FBLN1: variants seen among roughly 807,000 people sequenced by gnomAD.
The protein encoded by FBLN1 is fibulin-1.
Under a neutral mutation model 89.7 loss-of-function variants are expected in FBLN1, and 34 were observed. That is an observed-to-expected ratio of 0.38 (90% CI 0.29 to 0.50). The LOEUF (loss-of-function observed/expected upper bound fraction) is 0.50. Among genes scored for constraint, FBLN1 ranks in the 20% least tolerant of loss-of-function variants. The probability of loss-of-function intolerance (pLI) is 0.92; values close to 1 mark genes in which losing one functional copy is unlikely to be tolerated. For synonymous variants in FBLN1, 393 were observed against 391.3 expected, an observed-to-expected ratio of 1.00 and a Z score of -0.05; for missense variants, 777 against 988.1, an observed-to-expected ratio of 0.79 and a Z score of 2.86.
chr22:45,548,636 A>C lies in FBLN1; in HGVS notation c.1465A>C (p.Thr489Pro), dbSNP rs779508797. 6.2e-7 allele frequency: 1 copy of C among 1,613,654 alleles called. No individual in the cohort carries two copies. Among genetic ancestry groups the C allele is most frequent in the Non-Finnish European group, 8.5e-7 (1 of 1,179,998 alleles). The stretch of plus-strand genomic sequence containing the variant: ...AGACATCGACGAGTGCGCCCTGCCC[A>C]CCGGGGGCCACATCTGCTCCTACCG... ...CEDIDECALP[T>P]GGHICSYRCI... The change falls in exon 13 of 17, where the codon ACC becomes CCC. Residue 489 changes from threonine to proline, a missense_variant. Physicochemically the swap from Thr to Pro is conservative, Grantham distance 38. Transcript: ENST00000327858.
In FBLN1 at chr22:45,545,228, G is replaced by A. The variant is rs185771824; in HGVS notation, c.1321+1702G>A. Among the ~76,000 whole-genome samples the A allele has an allele frequency of 2.0e-5, 3 of 152,298 alleles. No individual in the cohort carries two copies. The East Asian group carries it at 5.8e-4, about 29-fold the overall frequency. ...CACGAGTTGAGTCTCTCAGGCTTGT[G>A]TTCAAACCTGACTTCTGCCATTTCC... On this transcript the variant is annotated intron_variant, in intron 11 of 16. Transcript: ENST00000327858. The surrounding 1 kb of genome is among the most constrained non-coding windows in gnomAD (Gnocchi z 5.9).
rs746653271 is a variant in FBLN1, at chr22:45,541,364, G to A, written c.1058G>A (p.Arg353His). The A allele has an allele frequency of 3.6e-5, 58 of 1,614,128 alleles. No individual in the cohort carries two copies. The East Asian group carries it at 4.7e-4, about 13-fold the overall frequency. The change falls in exon 9 of 17, where the codon CGC (arginine) becomes CAC (histidine). Residue 353 changes from arginine to histidine, a missense_variant. Coordinates refer to ENST00000327858, the MANE Select transcript of FBLN1 (RefSeq NM_006486.3). Reference sequence around the variant, plus strand: ...TACCATCTCAACGAGGAGGGAACGCGCTGTGTTGGTTGGTATTAAGAAAAC... The same window carrying A: ...TACCATCTCAACGAGGAGGGAACGCACTGTGTTGGTTGGTATTAAGAAAAC... The part of the protein sequence containing the change: ...RGYHLNEEGT[R>H]CVDVDECAPP...
intron 12 of FBLN1, 89 bp from the exon 13 acceptor site, chr22:45,548,524 C>T: frequency 6.4e-7 from 1 of 1,574,090 alleles, no homozygotes; most frequent in East Asian, 2.3e-5. Flanking sequence ...CTCCCGGGCC[C>T]CAGTGCAGCC....
chr22:45,584,768 C>T (rs557757044), intron 16 of FBLN1, among the ~76,000 whole-genome samples: 2 of 152,304 alleles, frequency 1.3e-5, no homozygotes, highest in African/African-American at 4.8e-5. Flanking sequence ...GATGATGGGA[C>T]AGGGCCAGGA....
In FBLN1 at chr22:45,556,063, T is replaced by C. The variant is rs1171261430; in HGVS notation, c.1697+5448T>C. On this transcript the variant is annotated intron_variant, in intron 14 of 16. Coordinates refer to ENST00000327858, the MANE Select transcript of FBLN1 (RefSeq NM_006486.3). The surrounding 1 kb of genome is among the most constrained non-coding windows in gnomAD (Gnocchi z 4.6). Reference sequence around the variant, plus strand: ...GAGGCTGAAGTGTGGTGGTGTGATTTTGTCTCACCGCAACCTCCACGTCCC... The same window carrying C: ...GAGGCTGAAGTGTGGTGGTGTGATTCTGTCTCACCGCAACCTCCACGTCCC... Among the ~76,000 whole-genome samples the C allele has an allele frequency of 6.6e-6, 1 of 152,192 alleles. No homozygotes were observed. Among genetic ancestry groups the C allele is most frequent in the Non-Finnish European group, 1.5e-5 (1 of 68,030 alleles).
chr22:45,587,636 A>G (rs1010271966), intron 16 of FBLN1, among the ~76,000 whole-genome samples: 1 of 151,966 alleles, frequency 6.6e-6, no homozygotes, highest in Non-Finnish European at 1.5e-5. Flanking sequence ...AAGCACCCAG[A>G]TCTACCAACT....
intron 7 of FBLN1, among the ~76,000 whole-genome samples, chr22:45,534,550 A>C (rs187791424): frequency 6.6e-6 from 1 of 152,332 alleles, no homozygotes; most frequent in East Asian, 1.9e-4. Context: ...CAGAAGGACA[A>C]ATCCACTTGT....
intron 1 of FBLN1, among the ~76,000 whole-genome samples, chr22:45,511,303 C>T (rs971624639): frequency 5.9e-5 from 9 of 151,544 alleles, no homozygotes; most frequent in South Asian, 2.1e-4. Context: ...TACAGGCATA[C>T]GTCACCATGC....
Position 45,583,235 on chromosome 22 carries a change from C to A in FBLN1, c.1972+6127C>A, listed in dbSNP as rs913619111. Among the ~76,000 whole-genome samples, 1 of 152,192 alleles carries A rather than the reference C, an allele frequency of 6.6e-6. No individual in the cohort carries two copies. Among genetic ancestry groups the A allele is most frequent in the Admixed American group, 6.5e-5 (1 of 15,284 alleles). On this transcript the variant is annotated intron_variant, in intron 16 of 16. Transcript: ENST00000327858. This position sits in a 1 kb window ranked among gnomAD's most constrained non-coding sequence, Gnocchi z 4.5. The stretch of plus-strand genomic sequence containing the variant: ...TTGTCCCCCAAGCCCCTCAGCCCCC[C>A]AGGCAGCTCTAAGGGCTCAGCTGCT...
chr22:45,519,026 C>T (rs1953346919), intron 2 of FBLN1, among the ~76,000 whole-genome samples: 1 of 140,356 alleles, frequency 7.1e-6, no homozygotes, highest in African/African-American at 2.7e-5. Context: ...GTGTCTCTTT[C>T]ACTGGGCTGG....
Position 45,600,582 on chromosome 22 carries a change from G to T in FBLN1, c.*136G>T. On this transcript the variant is annotated 3_prime_UTR_variant, in exon 17 of 17. Transcript: ENST00000327858. ...GTAGCATTAGGCCAACATGTATTAA[G>T]CTGAGCCAGATGAATAAGTCCATCT... The T allele has an allele frequency of 9.9e-7, 1 of 1,012,614 alleles. No individual in the cohort carries two copies. Among genetic ancestry groups the T allele is most frequent in the Non-Finnish European group, 1.6e-6 (1 of 639,180 alleles). 62.7% of individuals were successfully genotyped at this position (1,012,614 alleles called of 1,614,324 possible). A position where few individuals can be genotyped will look rare whatever the true frequency, so the allele number is the denominator to read the frequency against.
rs546833099 is a variant in FBLN1, at chr22:45,563,419, C to T, written c.1698-11092C>T. Reference sequence around the variant, plus strand: ...TTGGGAGTCTGTGCCGCTTGTTACCCGGGGGTGAGCTGGGCACTGGCCACC... The same window carrying T: ...TTGGGAGTCTGTGCCGCTTGTTACCTGGGGGTGAGCTGGGCACTGGCCACC... On this transcript the variant is annotated intron_variant, in intron 14 of 16. Coordinates refer to ENST00000327858, the MANE Select transcript of FBLN1 (RefSeq NM_006486.3). This position sits in a 1 kb window ranked among gnomAD's most constrained non-coding sequence, Gnocchi z 5.7. 99 of 1,492,718 alleles carry T rather than the reference C, an allele frequency of 6.6e-5. No individual in the cohort carries two copies. The highest frequency in any genetic ancestry group is 1.2e-4 in the Admixed American group (6 of 48,946). The allele number at this position is 1,492,718 out of a possible 1,614,324, so 92.5% of individuals were successfully genotyped here.
intron 14 of FBLN1, among the ~76,000 whole-genome samples, chr22:45,568,415 T>TTTCTGTAGGGGAATGCCTC (rs1555959919): frequency 1.8e-5 from 1 of 56,672 alleles, no homozygotes; most frequent in African/African-American, 7.3e-5. Flanking sequence ...GGGAGTGCTC[T>TTTCTGTAGGGGAATGCCTC]TTCTGTAGGG....
chr22:45,541,637 T>C (rs2088557704), intron 9 of FBLN1, among the ~76,000 whole-genome samples: 1 of 152,226 alleles, frequency 6.6e-6, no homozygotes, highest in Non-Finnish European at 1.5e-5. Flanking sequence ...CAGCTCCCCG[T>C]TGGTGACAAA....
chr22:45,534,200 G>T (rs1047137821), intron 7 of FBLN1, among the ~76,000 whole-genome samples: 1 of 136,742 alleles, frequency 7.3e-6, no homozygotes, highest in African/African-American at 2.7e-5. Context: ...CAGAGTAAAC[G>T]ATGGCAGATT....
At chr22:45,558,804 C>T (rs1026345275) in intron 14 of FBLN1, 5 of 152,288 alleles carry the variant, frequency 3.3e-5, no homozygotes, top group African/African-American at 1.2e-4. Context: ...CCCCAAACCA[C>T]TGGACCCCTA....
intron 9 of FBLN1, among the ~76,000 whole-genome samples, chr22:45,541,787 A>G (rs1465646535): frequency 2.0e-5 from 3 of 152,036 alleles, no homozygotes; most frequent in African/African-American, 7.2e-5. Context: ...CTCTCACGTC[A>G]TTCCCTCTGC....
At chr22:45,598,529 C>T (rs2089205087) in intron 16 of FBLN1, among the ~76,000 whole-genome samples, 1 of 152,202 alleles carries the variant, frequency 6.6e-6, no homozygotes, top group African/African-American at 2.4e-5. Context: ...TGTGCAGCTT[C>T]CTCTGCAGGA....
chr22:45,565,223 G>C (rs2088892420), intron 14 of FBLN1: 2 of 1,468,732 alleles, frequency 1.4e-6, no homozygotes, highest in South Asian at 1.2e-5. Context: ...GATGGTCTGA[G>C]CTTCCTTAGA....
Sources: gnomAD v4.1 joint callset for allele counts (sites outside exome capture counted in the v4.1 genomes callset) on GRCh38, gnomAD v4.1.1 for gene constraint, Gnocchi (gnomAD v3.1) non-coding constraint, MANE v1.5 for transcripts, NCBI Gene and HGNC (gene_info 2026-07-23, HGNC 2026-07-21) for gene names.